The following NCKAP5 variants were observed in gnomAD, a reference collection of about 807,000 sequenced individuals.
The protein encoded by NCKAP5 is nck-associated protein 5.
NCKAP5 carries 92 observed loss-of-function variants against 167.0 expected under a neutral mutation model. The ratio of observed to expected loss-of-function variants is 0.55; its 90% CI spans 0.47 to 0.66. The LOEUF (loss-of-function observed/expected upper bound fraction) is 0.66, where lower values mean the gene tolerates loss of function less well. Among genes scored for constraint, NCKAP5 ranks in the 30% least tolerant of loss-of-function variants. The probability of loss-of-function intolerance (pLI) is 0.00; values close to 1 mark genes in which losing one functional copy is unlikely to be tolerated. For synonymous variants in NCKAP5, 891 were observed against 877.4 expected, an observed-to-expected ratio of 1.02 and a Z score of -0.27; for missense variants, 2,378 against 2,315.0, an observed-to-expected ratio of 1.03 and a Z score of -0.56.
intron 11 of NCKAP5, among the ~76,000 whole-genome samples, chr2:132,829,532 G>C (rs1210413410): frequency 6.6e-6 from 1 of 152,176 alleles, no homozygotes; most frequent in African/African-American, 2.4e-5. Context: ...TACCACTGCA[G>C]AGTGAGCATG....
intron 3 of NCKAP5, among the ~76,000 whole-genome samples, chr2:133,367,651 A>G (rs1370647234): frequency 1.3e-5 from 2 of 152,174 alleles, no homozygotes; most frequent in Non-Finnish European, 2.9e-5. Context: ...TTTGTTAGAT[A>G]GTTAATATAG....
At chr2:132,810,483 T>C (rs541880372) in intron 11 of NCKAP5, among the ~76,000 whole-genome samples, 1 of 152,322 alleles carries the variant, frequency 6.6e-6, no homozygotes, top group East Asian at 1.9e-4. Context: ...ATTCTTTTTT[T>C]CATTGTCTTT....
intron 5 of NCKAP5, among the ~76,000 whole-genome samples, chr2:133,185,276 T>C (rs551676316): frequency 6.6e-5 from 10 of 152,260 alleles, no homozygotes; most frequent in African/African-American, 2.4e-4. Flanking sequence ...GTTATAGGTG[T>C]GCAGCTTTAT....
chr2:133,496,386 C>T (rs1275315383), intron 3 of NCKAP5, among the ~76,000 whole-genome samples: 1 of 152,112 alleles, frequency 6.6e-6, no homozygotes, highest in Non-Finnish European at 1.5e-5. Flanking sequence ...TCCTTCAGCT[C>T]ATGTTCATCT....
In NCKAP5 at chr2:132,677,861, A is replaced by G. The variant is rs1398457438; in HGVS notation, c.5714-4556T>C. Among the ~76,000 whole-genome samples the G allele has an allele frequency of 3.3e-5, 5 of 152,098 alleles. No individual in the cohort carries two copies. In the South Asian group the frequency reaches 1.0e-3, roughly 32 times the overall value. ...AATCTATGACTCACTTTGCTCTTCC[A>G]TCAGCCTGGAAGGTGAGGAAGGCCA... On this transcript the variant is annotated intron_variant, in intron 19 of 19. Transcript: ENST00000409261.
intron 7 of NCKAP5, among the ~76,000 whole-genome samples, chr2:132,985,656 A>G (rs991594012): frequency 5.9e-5 from 9 of 152,210 alleles, no homozygotes; most frequent in Admixed American, 4.6e-4. Flanking sequence ...TGAACAGTGG[A>G]TGCCACTTAA....
At chr2:133,271,987 T>C (rs1476860319) in intron 4 of NCKAP5, among the ~76,000 whole-genome samples, 1 of 152,116 alleles carries the variant, frequency 6.6e-6, no homozygotes, top group African/African-American at 2.4e-5. Flanking sequence ...ATTATTCTGG[T>C]CTTTTAATTT....
intron 8 of NCKAP5, among the ~76,000 whole-genome samples, chr2:132,939,705 T>C (rs1697143758): frequency 6.6e-6 from 1 of 152,078 alleles, no homozygotes; most frequent in African/African-American, 2.4e-5. Flanking sequence ...TTGTACTCAA[T>C]ATTGTAGTTT....
At chr2:133,458,030 C>T (rs1453635715) in intron 3 of NCKAP5, among the ~76,000 whole-genome samples, 2 of 152,068 alleles carry the variant, frequency 1.3e-5, no homozygotes, top group Non-Finnish European at 2.9e-5. Flanking sequence ...AGCTTGGCTG[C>T]CATGTGCAAC....
intron 7 of NCKAP5, 96 bp from the exon 8 acceptor site, chr2:132,963,965 C>G: frequency 7.3e-7 from 1 of 1,376,886 alleles, no homozygotes; most frequent in Non-Finnish European, 1.0e-6. Flanking sequence ...CCTGCGTGTG[C>G]ATTCTTCCGG....
chr2:133,345,850 C>T (rs572693809), intron 3 of NCKAP5, among the ~76,000 whole-genome samples: 2 of 152,084 alleles, frequency 1.3e-5, no homozygotes, highest in East Asian at 3.9e-4. Context: ...TTGGGAAATT[C>T]CTAGGAGGTT....
chr2:132,903,607 A>G (rs1693788334), intron 8 of NCKAP5, among the ~76,000 whole-genome samples: 1 of 152,216 alleles, frequency 6.6e-6, no homozygotes, highest in Non-Finnish European at 1.5e-5. Flanking sequence ...TATCCTTGTC[A>G]GGTAAATACA....
At chr2:133,465,513 G>A (rs1575003119) in intron 3 of NCKAP5, among the ~76,000 whole-genome samples, 1 of 151,898 alleles carries the variant, frequency 6.6e-6, no homozygotes, top group Non-Finnish European at 1.5e-5. Context: ...TAGTCCTTTG[G>A]GTATATACCC....
intron 2 of NCKAP5, among the ~76,000 whole-genome samples, chr2:133,535,625 T>C (rs1685702924): frequency 6.6e-6 from 1 of 151,952 alleles, no homozygotes; most frequent in South Asian, 2.1e-4. Flanking sequence ...AAATATGATA[T>C]AATGACTTAT....
chr2:133,266,295 T>A (rs2089210619), intron 4 of NCKAP5: 1 of 152,194 alleles, frequency 6.6e-6, no homozygotes. Context: ...CGTCGGGCTA[T>A]GGTAAAGGGG....
At chr2:133,234,134 G>C (rs1324156081) in intron 4 of NCKAP5, among the ~76,000 whole-genome samples, 1 of 152,174 alleles carries the variant, frequency 6.6e-6, no homozygotes, top group Non-Finnish European at 1.5e-5. Context: ...ACAGGGTTTG[G>C]CCAGAAGTGC....
chr2:132,975,938 T>C (rs2076966173), intron 7 of NCKAP5, among the ~76,000 whole-genome samples: 2 of 152,288 alleles, frequency 1.3e-5, no homozygotes, highest in Non-Finnish European at 2.9e-5. Flanking sequence ...ACCCCGTCAC[T>C]GAGTTGTAAA....
intron 19 of NCKAP5, among the ~76,000 whole-genome samples, chr2:132,706,831 A>G (rs960457220): frequency 2.0e-5 from 3 of 152,162 alleles, no homozygotes; most frequent in African/African-American, 7.2e-5. Flanking sequence ...ACAAAAATGT[A>G]AACAAAATAC....
chr2:133,028,410 A>G (rs960285441), intron 6 of NCKAP5, among the ~76,000 whole-genome samples: 1 of 152,208 alleles, frequency 6.6e-6, no homozygotes, highest in African/African-American at 2.4e-5. Flanking sequence ...CTGAGCATAT[A>G]TCATAAATTT....
Sources: gnomAD v4.1 joint callset for allele counts (sites outside exome capture counted in the v4.1 genomes callset) on GRCh38, gnomAD v4.1.1 for gene constraint, MANE v1.5 for transcripts, NCBI Gene and HGNC (gene_info 2026-07-23, HGNC 2026-07-21) for gene names.